BLOC1S1: variants seen among roughly 807,000 people sequenced by gnomAD.
The protein encoded by BLOC1S1 is biogenesis of lysosome-related organelles complex 1 subunit 1.
BLOC1S1 carries 11 observed loss-of-function variants against 19.0 expected under a neutral mutation model. The ratio of observed to expected loss-of-function variants is 0.58; its 90% CI spans 0.37 to 0.96. The LOEUF (loss-of-function observed/expected upper bound fraction) is 0.96, where lower values mean the gene tolerates loss of function less well. BLOC1S1 is among the 40% of genes least tolerant of loss of function. BLOC1S1 has a pLI of 0.01. For synonymous variants in BLOC1S1, 94 were observed against 76.4 expected, an observed-to-expected ratio of 1.23 and a Z score of -1.20; for missense variants, 220 against 195.9, an observed-to-expected ratio of 1.12 and a Z score of -0.73.
intron 3 of BLOC1S1, 49 bp from the exon 4 acceptor site, chr12:55,719,450 C>G: frequency 6.4e-7 from 1 of 1,553,668 alleles, no homozygotes; most frequent in East Asian, 2.2e-5. Context: ...GGAAGCCATA[C>G]TCTACCCATT....
chr12:55,716,397 C>G, intron 1 of BLOC1S1: 2 of 1,399,702 alleles, frequency 1.4e-6, no homozygotes, highest in Non-Finnish European at 1.8e-6. Flanking sequence ...GGGCAATACT[C>G]CGGTCCCCTC....
intron 1 of BLOC1S1, chr12:55,716,528 G>A (rs1469865126): frequency 2.4e-6 from 3 of 1,238,936 alleles, no homozygotes; most frequent in African/African-American, 3.2e-5. Context: ...CTGGAGGGAG[G>A]AGGGTGTGGG....
At position 55,719,126 on chromosome 12, in the gene BLOC1S1, AC is replaced by A. The variant is rs1440819553; in HGVS notation, c.256del (p.His86MetfsTer3). On this transcript the variant is annotated frameshift_variant, in exon 3 of 4. Coordinates refer to ENST00000548925, the MANE Select transcript of BLOC1S1 (RefSeq NM_001487.4). LOFTEE classifies it high-confidence loss of function. ...AQAYMNQRKL[D>X]HEVKTLQVQA... ...GCCTACATGAACCAGAGAAAGCTGG[AC>A]CATGAGGTGAAGACCCTACAGGTCC... 1 of 1,613,816 alleles carries A rather than the reference AC, an allele frequency of 6.2e-7. No individual in the cohort carries two copies. Among genetic ancestry groups the A allele is most frequent in the East Asian group, 2.2e-5 (1 of 44,836 alleles).
Position 55,719,679 on chromosome 12 carries a change from C to G in BLOC1S1, c.*70C>G. 7.5e-7 allele frequency: 1 copy of G among 1,338,698 alleles called. No homozygotes were observed. The highest frequency in any genetic ancestry group is 1.2e-5 in the South Asian group (1 of 83,762). 82.9% of individuals were successfully genotyped at this position (1,338,698 alleles called of 1,614,324 possible). Reference sequence around the variant, plus strand: ...GGGGGAAGGAGGGAGGCTGACAAGCCTTGAATAAAACACAAGCCTCCGTTT... The same window carrying G: ...GGGGGAAGGAGGGAGGCTGACAAGCGTTGAATAAAACACAAGCCTCCGTTT... On this transcript the variant is annotated 3_prime_UTR_variant, in exon 4 of 4. Transcript: ENST00000548925.
intron 1 of BLOC1S1, chr12:55,716,532 G>A (rs1876551232): frequency 8.1e-7 from 1 of 1,235,982 alleles, no homozygotes; most frequent in South Asian, 2.0e-5. Context: ...AGGGAGGAGG[G>A]TGTGGGGAAC....
In BLOC1S1 at chr12:55,716,100, G is replaced by A. The variant is rs774787679; in HGVS notation, c.49G>A (p.Gly17Arg). 5.0e-6 allele frequency: 8 copies of A among 1,597,534 alleles called. No individual in the cohort carries two copies. Among genetic ancestry groups the A allele is most frequent in the Non-Finnish European group, 6.8e-6 (8 of 1,172,658 alleles). The change falls in exon 1 of 4, where the codon GGG (glycine) becomes AGG (arginine). Residue 17 changes from glycine (G) to arginine (R), a missense_variant. Transcript: ENST00000548925. Reference protein sequence around the residue: ...GERSSFRSRRGPGVPSPQPDV... With the variant: ...GERSSFRSRRRPGVPSPQPDV... ...GCGTTCCAGCTTCCGGAGCCGGAGG[G>A]GGCCCGGCGTACCCAGCCCCCAGCC...
At chr12:55,718,506 GTGTGTGTGTGTT>G (rs925812843) in intron 2 of BLOC1S1, among the ~76,000 whole-genome samples, 17 of 151,902 alleles carry the variant, frequency 1.1e-4, no homozygotes, top group Non-Finnish European at 2.2e-4. Context: ...GTGTGTGTGT[GTGTGTGTGTGTT>G]TGTGTGTGTT....
At position 55,716,126 on chromosome 12, in the gene BLOC1S1, C is replaced by T. The variant is rs578186118; in HGVS notation, c.75C>T (p.Pro25=). ...GGCCCGGCGTACCCAGCCCCCAGCC[C>T]GACGTGACCATGCTGTCCCGCCTCC... is the stretch of plus-strand genomic sequence containing the variant. The part of the protein sequence containing the change: ...RRGPGVPSPQ[P]DVTMLSRLLK... The change falls in exon 1 of 4, where the codon CCC becomes CCT. Residue 25 remains proline, a synonymous_variant. Transcript: ENST00000548925. 3 of 1,610,152 alleles carry T rather than the reference C, an allele frequency of 1.9e-6. No homozygotes were observed. Among genetic ancestry groups the T allele is most frequent in the African/African-American group, 1.3e-5 (1 of 74,794 alleles).
intron 2 of BLOC1S1, among the ~76,000 whole-genome samples, chr12:55,717,262 T>G (rs1876632787): frequency 6.6e-6 from 1 of 152,228 alleles, no homozygotes; most frequent in Non-Finnish European, 1.5e-5. Context: ...CCCTGGCATT[T>G]ACAACTTGAT....
At position 55,719,568 on chromosome 12, in the gene BLOC1S1, G is replaced by A. The variant is rs763377183; in HGVS notation, c.421G>A (p.Glu141Lys). Residue 141 changes from glutamate (E) to lysine (K), a missense_variant, in exon 4 of 4, where the codon GAA (glutamate) becomes AAA (lysine). Glu to Lys is a moderately conservative substitution (Grantham distance 56). Coordinates refer to ENST00000548925, the MANE Select transcript of BLOC1S1 (RefSeq NM_001487.4). ...LDMRTIATALEYVYKGQLQSA... is the reference protein window; with the variant it reads ...LDMRTIATALKYVYKGQLQSA... Reference sequence around the variant, plus strand: ...CATGCGCACCATTGCCACTGCACTGGAATATGTCTACAAAGGGCAGCTGCA... The same window carrying A: ...CATGCGCACCATTGCCACTGCACTGAAATATGTCTACAAAGGGCAGCTGCA... 5 of 1,614,158 alleles carry A rather than the reference G, an allele frequency of 3.1e-6. No individual in the cohort carries two copies. The South Asian group carries it at 5.5e-5, about 18-fold the overall frequency.
chr12:55,719,026 A>ATATTAGTC (rs1876775232), intron 2 of BLOC1S1, 65 bp from the exon 3 acceptor site: 1 of 1,565,582 alleles, frequency 6.4e-7, no homozygotes, highest in South Asian at 1.2e-5. Context: ...CTGCAATGGA[A>ATATTAGTC]TATTAGTCCC....
chr12:55,717,289 C>T (rs12299417), intron 2 of BLOC1S1, among the ~76,000 whole-genome samples: 2 of 152,228 alleles, frequency 1.3e-5, no homozygotes, highest in African/African-American at 4.8e-5. Context: ...TGCCCACCTC[C>T]CTTCACCCTT....
chr12:55,716,503 C>A, intron 1 of BLOC1S1: 2 of 1,228,592 alleles, frequency 1.6e-6, no homozygotes, highest in Non-Finnish European at 2.0e-6. Context: ...GTCCTGGCGG[C>A]GGGAAGGAGC....
chr12:55,719,472 G>C, intron 3 of BLOC1S1, 27 bp from the exon 4 acceptor site: 1 of 1,602,746 alleles, frequency 6.2e-7, no homozygotes, highest in Non-Finnish European at 8.6e-7. Context: ...TGATTCCTGG[G>C]CTCCCACCTC....
chr12:55,716,895 C>A, intron 1 of BLOC1S1, 38 bp from the exon 2 acceptor site: 1 of 1,561,182 alleles, frequency 6.4e-7, no homozygotes, highest in South Asian at 1.2e-5. Flanking sequence ...CTCAAAAAAC[C>A]AAGTCTCCCC....
intron 2 of BLOC1S1, among the ~76,000 whole-genome samples, chr12:55,718,151 C>T (rs536616546): frequency 7.2e-4 from 110 of 152,330 alleles, no homozygotes; most frequent in Admixed American, 1.4e-3. Flanking sequence ...CACGCCTCCT[C>T]TCATTCCCCG....
In BLOC1S1 at chr12:55,719,236, C is replaced by T; in HGVS notation, c.351+13C>T. ...CCAGGCACTCAAGGTGGGCCATACT[C>T]CCTACCTCACCACCCCAATCCTGGG... On this transcript the variant is annotated intron_variant, in intron 3 of 3. Coordinates refer to ENST00000548925, the MANE Select transcript of BLOC1S1 (RefSeq NM_001487.4). The T allele has an allele frequency of 6.2e-7, 1 of 1,614,080 alleles. No homozygotes were observed.
rs1216699608 is a variant in BLOC1S1, at chr12:55,716,201, G to A, written c.145+5G>A. ...ATGAACGCAAGGAGCTGCAGGGTGAGCCAAATATCCTGTCGGCCGTTTTCT... is the reference window on the plus strand; with the variant it reads ...ATGAACGCAAGGAGCTGCAGGGTGAACCAAATATCCTGTCGGCCGTTTTCT... On this transcript the variant is annotated splice_donor_5th_base_variant and intron_variant, in intron 1 of 3. Transcript: ENST00000548925. 1.9e-6 allele frequency: 3 copies of A among 1,606,028 alleles called. No homozygotes were observed. Among genetic ancestry groups the A allele is most frequent in the Non-Finnish European group, 2.6e-6 (3 of 1,176,254 alleles).
intron 1 of BLOC1S1, 129 bp downstream of exon 1, chr12:55,716,325 A>T (rs765478580): frequency 6.1e-6 from 9 of 1,487,572 alleles, no homozygotes; most frequent in Non-Finnish European, 8.0e-6. Context: ...CATGGGGGAG[A>T]GGGAATTTCA....
Sources: allele counts gnomAD v4.1 joint callset (sites outside exome capture counted in the v4.1 genomes callset), GRCh38; gene constraint gnomAD v4.1.1; transcripts MANE v1.5; gene names NCBI Gene and HGNC (gene_info 2026-07-23, HGNC 2026-07-21).